The following KCNQ5 variants were observed in gnomAD, a reference collection of about 807,000 sequenced individuals.
KCNQ5 encodes the protein potassium voltage-gated channel subfamily KQT member 5.
In KCNQ5, 30 loss-of-function variants were observed where a neutral mutation model predicts 98.2. The ratio of observed to expected loss-of-function variants is 0.31; its 90% CI spans 0.23 to 0.41. The LOEUF (loss-of-function observed/expected upper bound fraction) is 0.41. Among genes scored for constraint, KCNQ5 ranks in the 10% least tolerant of loss-of-function variants. The pLI is 1.00. For missense variants in KCNQ5, 835 were observed against 1,182.5 expected (o/e 0.71, Z 4.31); for synonymous variants, 458 against 449.4 (o/e 1.02, Z -0.24).
At chr6:72,823,138 C>T (rs1775831110) in intron 1 of KCNQ5, among the ~76,000 whole-genome samples, 1 of 152,078 alleles carries the variant, frequency 6.6e-6, no homozygotes, top group Non-Finnish European at 1.5e-5. Context: ...GGAGACCTCC[C>T]CAACCCCCAC....
At chr6:73,091,315 C>A (rs984048656) in intron 5 of KCNQ5, among the ~76,000 whole-genome samples, 1 of 151,928 alleles carries the variant, frequency 6.6e-6, no homozygotes, top group Non-Finnish European at 1.5e-5. Context: ...CACACCAGGG[C>A]CTGTCAGGGG....
At chr6:73,136,428 A>C (rs1776474722) in intron 10 of KCNQ5, among the ~76,000 whole-genome samples, 1 of 152,226 alleles carries the variant, frequency 6.6e-6, no homozygotes, top group Non-Finnish European at 1.5e-5. Flanking sequence ...GAGGTACAGA[A>C]ACAGAAGTCC....
chr6:72,714,467 A>G (rs1561938104), intron 1 of KCNQ5, among the ~76,000 whole-genome samples: 1 of 152,166 alleles, frequency 6.6e-6, no homozygotes, highest in Non-Finnish European at 1.5e-5. Context: ...AACTGAAAAA[A>G]AAAAGCCTTT....
At chr6:73,067,905 T>TATATATATAA (rs1434085616) in intron 3 of KCNQ5, among the ~76,000 whole-genome samples, 2 of 15,624 alleles carry the variant, frequency 1.3e-4, no homozygotes, top group African/African-American at 4.6e-4. Flanking sequence ...TATATATATA[T>TATATATATAA]AACTAAAATT....
chr6:72,995,659 G>A (rs1238522703), intron 1 of KCNQ5, among the ~76,000 whole-genome samples: 1 of 152,128 alleles, frequency 6.6e-6, no homozygotes, highest in Non-Finnish European at 1.5e-5. Context: ...TGTTTGTAAA[G>A]AAATTCGGAA....
intron 1 of KCNQ5, among the ~76,000 whole-genome samples, chr6:72,720,257 C>T (rs1166353895): frequency 6.6e-6 from 1 of 152,214 alleles, no homozygotes; most frequent in African/African-American, 2.4e-5. Context: ...CTGCTTTTAA[C>T]CTGCCATGGA....
At chr6:72,970,546 G>A (rs1034162592) in intron 1 of KCNQ5, among the ~76,000 whole-genome samples, 12 of 151,778 alleles carry the variant, frequency 7.9e-5, no homozygotes, top group Non-Finnish European at 1.5e-4. Flanking sequence ...CTTTATAAGA[G>A]GTAAGCCAAA....
At chr6:73,129,839 C>G (rs1276841776) in intron 9 of KCNQ5, 2 of 1,612,290 alleles carry the variant, frequency 1.2e-6, no homozygotes, top group East Asian at 4.5e-5. Context: ...GTACACCTCA[C>G]GGAAGCAGAG....
intron 7 of KCNQ5, among the ~76,000 whole-genome samples, chr6:73,118,160 C>CAGG (rs1313921062): frequency 6.6e-6 from 1 of 152,204 alleles, no homozygotes; most frequent in Non-Finnish European, 1.5e-5. Context: ...ATAAACAGAG[C>CAGG]AGGACCTCCT....
rs1031259989 is a variant in KCNQ5 at position 73,133,332 on chromosome 6, A to G, written c.1248-89A>G. Reference sequence around the variant, plus strand: ...GAAAACATCTTGTCTATTGAAATATATGACCACATGAGCTTCATCAAATTA... The same window carrying G: ...GAAAACATCTTGTCTATTGAAATATGTGACCACATGAGCTTCATCAAATTA... On this transcript the variant is annotated intron_variant, in intron 9 of 13. Transcript: ENST00000370398. 9.6e-5 allele frequency: 102 copies of G among 1,066,448 alleles called. No individual in the cohort carries two copies. In the East Asian group the frequency reaches 2.4e-3, roughly 25 times the overall value. 66.1% of individuals were successfully genotyped at this position (1,066,448 alleles called of 1,614,324 possible).
intron 11 of KCNQ5, among the ~76,000 whole-genome samples, chr6:73,181,428 C>T (rs751578687): frequency 6.6e-6 from 1 of 151,666 alleles, no homozygotes; most frequent in East Asian, 2.0e-4. Context: ...CCAAAGGGCT[C>T]GTCATAGGTA....
intron 2 of KCNQ5, among the ~76,000 whole-genome samples, chr6:73,027,219 T>C (rs1486817750): frequency 6.6e-6 from 1 of 152,124 alleles, no homozygotes; most frequent in Non-Finnish European, 1.5e-5. Context: ...ATCAAGGAAC[T>C]AGTGAAGATA....
intron 2 of KCNQ5, among the ~76,000 whole-genome samples, chr6:73,004,488 A>G (rs1450834942): frequency 6.6e-6 from 1 of 152,224 alleles, no homozygotes; most frequent in Non-Finnish European, 1.5e-5. Flanking sequence ...AGACTGCATT[A>G]TGAGTTTTGC....
intron 1 of KCNQ5, among the ~76,000 whole-genome samples, chr6:72,909,940 T>C: frequency 6.6e-6 from 1 of 152,212 alleles, no homozygotes; most frequent in Non-Finnish European, 1.5e-5. Context: ...AATGTGATAA[T>C]CAGTGAGAAC....
At chr6:72,841,609 CA>C (rs1462038797) in intron 1 of KCNQ5, among the ~76,000 whole-genome samples, 1 of 152,174 alleles carries the variant, frequency 6.6e-6, no homozygotes, top group Non-Finnish European at 1.5e-5. Flanking sequence ...ATATTTCTTA[CA>C]TGCTCTTTCT....
At chr6:73,017,512 A>G (rs1770403861) in intron 2 of KCNQ5, among the ~76,000 whole-genome samples, 1 of 152,156 alleles carries the variant, frequency 6.6e-6, no homozygotes, top group South Asian at 2.1e-4. Flanking sequence ...ATGCAGGTAT[A>G]CACACCAGGG....
chr6:73,050,308 A>AAGGG (rs200159978), intron 3 of KCNQ5, among the ~76,000 whole-genome samples: 1 of 114,534 alleles, frequency 8.7e-6, no homozygotes, highest in African/African-American at 3.1e-5. Flanking sequence ...GGAAGGAAGG[A>AAGGG]AGGGAGGGAA....
intron 3 of KCNQ5, among the ~76,000 whole-genome samples, chr6:73,071,672 ATTTTC>A (rs1296763240): frequency 5.9e-5 from 9 of 152,062 alleles, no homozygotes; most frequent in African/African-American, 2.2e-4. Flanking sequence ...CATAAGTGCC[ATTTTC>A]TTTTTAACAA....
Position 73,111,299 on chromosome 6 carries a change from T to C in KCNQ5, c.1030-9T>C. 3 of 1,600,754 alleles carry C rather than the reference T, an allele frequency of 1.9e-6. No individual in the cohort carries two copies. The highest frequency in any genetic ancestry group is 1.7e-6 in the Non-Finnish European group (2 of 1,173,352). On this transcript the variant is annotated splice_polypyrimidine_tract_variant and intron_variant, in intron 6 of 13. Transcript: ENST00000370398. ...AATTTTTGAGTGCCATTTTTGTATT[T>C]TGTTCCAGGGCATTCTTGGCTCAGG...
Sources: gnomAD v4.1 joint callset for allele counts (sites outside exome capture counted in the v4.1 genomes callset) on GRCh38, gnomAD v4.1.1 for gene constraint, MANE v1.5 for transcripts, NCBI Gene and HGNC (gene_info 2026-07-23, HGNC 2026-07-21) for gene names.